The following IKZF2 variants were observed in gnomAD, a reference collection of about 807,000 sequenced individuals.
The protein encoded by IKZF2 is zinc finger protein Helios.
A neutral mutation model predicts 49.2 loss-of-function variants in IKZF2; 15 were observed. The ratio of observed to expected loss-of-function variants is 0.30; its 90% CI spans 0.20 to 0.47. IKZF2 has a LOEUF of 0.47. Ranked by LOEUF, IKZF2 falls within the 20% of genes least tolerant of loss-of-function variation. The pLI, the probability that IKZF2 is intolerant of heterozygous loss-of-function variation, is 1.00. For missense variants in IKZF2, 567 were observed against 664.6 expected (o/e 0.85, Z 1.61); for synonymous variants, 227 against 221.4 (o/e 1.03, Z -0.23).
chr2:213,147,629 C>A, intron 4 of IKZF2, 79 bp downstream of exon 4: 1 of 999,128 alleles, frequency 1.0e-6, no homozygotes, highest in South Asian at 1.3e-5. Flanking sequence ...TGTGAGAGGA[C>A]CCCACAGACC....
intron 4 of IKZF2, among the ~76,000 whole-genome samples, chr2:213,077,817 T>C (rs1423129453): frequency 6.6e-6 from 1 of 152,110 alleles, no homozygotes; most frequent in Non-Finnish European, 1.5e-5. Context: ...CTCGATCTCC[T>C]GACCTCGTGA....
Position 213,008,038 on chromosome 2 carries a change from C to A in IKZF2, c.903G>T (p.Met301Ile). ...CAGCCTCCTTCTCATATGTTAAGTT[C>A]ATATCAAAGTGAATATCTGGGTAGC... Reference protein sequence around the residue: ...RFSYPDIHFDMNLTYEKEAEL... With the variant: ...RFSYPDIHFDINLTYEKEAEL... The change falls in exon 9 of 9, where the codon ATG becomes ATT. Residue 301 changes from methionine to isoleucine, a missense_variant. Transcript: ENST00000434687. 1 of 1,611,298 alleles carries A rather than the reference C, an allele frequency of 6.2e-7. No homozygotes were observed. The highest frequency in any genetic ancestry group is 8.5e-7 in the Non-Finnish European group (1 of 1,179,006).
At chr2:213,046,223 A>T (rs953454809) in intron 6 of IKZF2, among the ~76,000 whole-genome samples, 1 of 152,206 alleles carries the variant, frequency 6.6e-6, no homozygotes, top group Non-Finnish European at 1.5e-5. Flanking sequence ...TATCTAATTC[A>T]ACATATCAAA....
intron 4 of IKZF2, among the ~76,000 whole-genome samples, chr2:213,116,272 T>C (rs2059868479): frequency 6.6e-6 from 1 of 152,208 alleles, no homozygotes; most frequent in South Asian, 2.1e-4. Context: ...ACGTACAATG[T>C]TAAAGGAAAA....
intron 4 of IKZF2, among the ~76,000 whole-genome samples, chr2:213,073,396 CAGA>C (rs1339647667): frequency 1.8e-4 from 28 of 152,106 alleles, no homozygotes; most frequent in Admixed American, 1.8e-3. Flanking sequence ...ATATTTACCA[CAGA>C]AGAAGTATAC....
At chr2:213,067,323 G>A (rs1702253563) in intron 4 of IKZF2, among the ~76,000 whole-genome samples, 1 of 151,998 alleles carries the variant, frequency 6.6e-6, no homozygotes, top group South Asian at 2.1e-4. Flanking sequence ...AGATGCAGAA[G>A]GCTTTATGAA....
chr2:213,152,342 C>T (rs949824692), upstream of IKZF2: 9 of 152,300 alleles, frequency 5.9e-5, no homozygotes, highest in African/African-American at 2.2e-4. Flanking sequence ...TCTGCGGCCC[C>T]ATTTCGGAAA....
intron 6 of IKZF2, among the ~76,000 whole-genome samples, chr2:213,044,329 G>C (rs1699951084): frequency 6.6e-6 from 1 of 151,972 alleles, no homozygotes; most frequent in African/African-American, 2.4e-5. Flanking sequence ...GTGAATATTT[G>C]TCTTTCATGC....
At chr2:213,021,783 T>C in intron 7 of IKZF2, 2 of 610,282 alleles carry the variant, frequency 3.3e-6, no homozygotes, top group Non-Finnish European at 5.8e-6. Flanking sequence ...AAAGGTTGGT[T>C]GTCATTATTA....
chr2:213,040,098 A>G (rs1003086871), intron 6 of IKZF2, among the ~76,000 whole-genome samples: 1 of 152,166 alleles, frequency 6.6e-6, no homozygotes, highest in African/African-American at 2.4e-5. Flanking sequence ...AATCTGAACC[A>G]GTATAATTCT....
chr2:213,122,790 A>C (rs1387143011), intron 4 of IKZF2, among the ~76,000 whole-genome samples: 1 of 152,216 alleles, frequency 6.6e-6, no homozygotes, highest in Non-Finnish European at 1.5e-5. Flanking sequence ...AATCAAAAGA[A>C]ACTCCAATCC....
intron 4 of IKZF2, among the ~76,000 whole-genome samples, chr2:213,122,361 C>T (rs1325841405): frequency 1.3e-5 from 2 of 152,178 alleles, no homozygotes; most frequent in Non-Finnish European, 2.9e-5. Context: ...ACAGTATTTC[C>T]TAAACTTGCC....
At chr2:213,131,603 G>C (rs934184454) in intron 4 of IKZF2, among the ~76,000 whole-genome samples, 6 of 152,256 alleles carry the variant, frequency 3.9e-5, no homozygotes, top group Non-Finnish European at 5.9e-5. Context: ...TGTATATTTT[G>C]AAGCCATGTG....
At chr2:213,027,575 C>G (rs1468952101) in intron 6 of IKZF2, among the ~76,000 whole-genome samples, 1 of 151,980 alleles carries the variant, frequency 6.6e-6, no homozygotes, top group Non-Finnish European at 1.5e-5. Flanking sequence ...CTGATGGTAC[C>G]CTGGGTTTAT....
At chr2:213,055,963 G>A (rs1701112002) in intron 5 of IKZF2, among the ~76,000 whole-genome samples, 1 of 151,944 alleles carries the variant, frequency 6.6e-6, no homozygotes, top group Non-Finnish European at 1.5e-5. Flanking sequence ...TTGCATTATA[G>A]TGAAAGCCAT....
At chr2:213,061,415 A>C (rs1357112210) in intron 4 of IKZF2, among the ~76,000 whole-genome samples, 3 of 151,552 alleles carry the variant, frequency 2.0e-5, no homozygotes, top group Non-Finnish European at 3.0e-5. Context: ...TATTTTGTGA[A>C]TCTATTAAAA....
chr2:213,067,974 A>G (rs940194896), intron 4 of IKZF2, among the ~76,000 whole-genome samples: 6 of 152,130 alleles, frequency 3.9e-5, no homozygotes, highest in African/African-American at 9.7e-5. Context: ...TACTTTAAGC[A>G]TGCCATCCTT....
rs755700175 is a variant in IKZF2 at position 213,005,054 on chromosome 2, A to G, written c.*2306T>C. On this transcript the variant is annotated 3_prime_UTR_variant, in exon 9 of 9. Coordinates refer to ENST00000434687, the MANE Select transcript of IKZF2 (RefSeq NM_001387220.1). ...GCCAGCAGAAATTCGCACACAGCCA[A>G]AATTATGAACATATTGACTGACATC... 1 of 152,338 alleles carries G rather than the reference A, an allele frequency of 6.6e-6. No individual in the cohort carries two copies. The highest frequency in any genetic ancestry group is 1.5e-5 in the Non-Finnish European group (1 of 67,938). The allele number at this position is 152,338 out of a possible 1,614,324, so 9.4% of individuals were successfully genotyped here. A position where few individuals can be genotyped will look rare whatever the true frequency, so the allele number is the denominator to read the frequency against.
chr2:213,039,365 A>G (rs986087897), intron 6 of IKZF2, among the ~76,000 whole-genome samples: 6 of 152,082 alleles, frequency 3.9e-5, no homozygotes, highest in Non-Finnish European at 8.8e-5. Context: ...ATATATATAT[A>G]TACTAAAAAT....
Sources: allele counts gnomAD v4.1 joint callset (sites outside exome capture counted in the v4.1 genomes callset), GRCh38; gene constraint gnomAD v4.1.1; transcripts MANE v1.5; gene names NCBI Gene and HGNC (gene_info 2026-07-23, HGNC 2026-07-21).